EXOSC10: variants seen among roughly 807,000 people sequenced by gnomAD.
The protein encoded by EXOSC10 is exosome complex component 10.
A neutral mutation model predicts 126.6 loss-of-function variants in EXOSC10; 94 were observed. That is an observed-to-expected ratio of 0.74 (90% CI 0.63 to 0.88). The LOEUF is 0.88. EXOSC10 is among the 40% of genes least tolerant of loss of function. The pLI, the probability that EXOSC10 is intolerant of heterozygous loss-of-function variation, is 0.00. For synonymous variants in EXOSC10, 395 were observed against 400.8 expected (o/e 0.99, Z 0.17); for missense variants, 1,041 against 1,100.5 (o/e 0.95, Z 0.77).
At chr1:11,099,271 G>T (rs1641289351) in intron 1 of EXOSC10, among the ~76,000 whole-genome samples, 1 of 152,228 alleles carries the variant, frequency 6.6e-6, no homozygotes, top group Non-Finnish European at 1.5e-5. Flanking sequence ...ATTTAACTCA[G>T]GGTTAAAAAT....
chr1:11,086,462 G>A (rs918585313), intron 9 of EXOSC10, among the ~76,000 whole-genome samples: 25 of 152,232 alleles, frequency 1.6e-4, no homozygotes, highest in Admixed American at 6.5e-5. Flanking sequence ...GGGATCAGTG[G>A]TGATATCCCC....
intron 6 of EXOSC10, 131 bp from the exon 7 acceptor site, chr1:11,088,329 G>A (rs761467611): frequency 1.4e-5 from 8 of 591,854 alleles, no homozygotes; most frequent in Non-Finnish European, 2.0e-5. Context: ...CCTTTACAAA[G>A]AGCTTATTTC....
Position 11,068,061 on chromosome 1 carries a change from A to C in EXOSC10, c.2574T>G (p.Ile858Met). 2 of 1,614,068 alleles carry C rather than the reference A, an allele frequency of 1.2e-6. No individual in the cohort carries two copies. Among genetic ancestry groups the C allele is most frequent in the Non-Finnish European group, 1.7e-6 (2 of 1,179,994 alleles). ...SGKKCIAAKK[I>M]KQSVGNKSMS... Reference sequence around the variant, plus strand: ...TGCTTTTGTTTCCCACCGACTGTTTAATTTTTTTGGCTGCAATGCATTTCT... The same window carrying C: ...TGCTTTTGTTTCCCACCGACTGTTTCATTTTTTTGGCTGCAATGCATTTCT... Residue 858 changes from isoleucine (I) to methionine (M), a missense_variant, in exon 24 of 25, where the codon ATT becomes ATG. By Grantham distance (10) the Ile-to-Met change is conservative. Around this residue, in one of 3 missense-constraint regions of EXOSC10, gnomAD observed 388 missense variants for 415.2 expected, o/e 0.93. Coordinates refer to ENST00000376936, the MANE Select transcript of EXOSC10 (RefSeq NM_001001998.3).
At chr1:11,095,476 G>T in intron 3 of EXOSC10, 1 of 255,292 alleles carries the variant, frequency 3.9e-6, no homozygotes. Flanking sequence ...CATTCTGGGA[G>T]GCTGAGGCGG....
chr1:11,081,097 C>A lies in EXOSC10; in HGVS notation c.1422G>T (p.Arg474Ser). The change falls in exon 11 of 25, where the codon AGG (arginine) becomes AGT (serine). Residue 474 changes from arginine (R) to serine (S), a missense_variant. By Grantham distance (110) the Arg-to-Ser change is moderately radical. Around this residue, in one of 3 missense-constraint regions of EXOSC10, gnomAD observed 645 missense variants for 656.3 expected, o/e 0.98. Coordinates refer to ENST00000376936, the MANE Select transcript of EXOSC10 (RefSeq NM_001001998.3). Reference sequence around the variant, plus strand: ...TGAGGTGTACCTTGAGGCAGATGTCCCTGCTCCGTTGCCACACCACCTGCA... The same window carrying A: ...TGAGGTGTACCTTGAGGCAGATGTCACTGCTCCGTTGCCACACCACCTGCA... Reference protein sequence around the residue: ...VQLQVVWQRSRDICLKKFIKP... With the variant: ...VQLQVVWQRSSDICLKKFIKP... 1 of 1,614,184 alleles carries A rather than the reference C, an allele frequency of 6.2e-7. No homozygotes were observed. The highest frequency in any genetic ancestry group is 8.5e-7 in the Non-Finnish European group (1 of 1,180,030).
rs1300371800 is a variant in EXOSC10 at position 11,077,632 on chromosome 1, A to C, written c.1769T>G (p.Val590Gly). 6.2e-7 allele frequency: 1 copy of C among 1,610,064 alleles called. No homozygotes were observed. Among genetic ancestry groups the C allele is most frequent in the Non-Finnish European group, 8.5e-7 (1 of 1,176,932 alleles). ...PLLKSEVAAGVKKSGPLPSAE... is the reference protein window; with the variant it reads ...PLLKSEVAAGGKKSGPLPSAE... ...ACTGGGCAGCGGTCCGCTCTTCTTC[A>C]CTCCGGCTGCAACTTCAGACTAAGG... is the stretch of plus-strand genomic sequence containing the variant. The change falls in exon 15 of 25, where the codon GTG (valine) becomes GGG (glycine). Residue 590 changes from valine to glycine, a missense_variant. Around this residue, in one of 3 missense-constraint regions of EXOSC10, gnomAD observed 388 missense variants for 415.2 expected, o/e 0.93. Coordinates refer to ENST00000376936, the MANE Select transcript of EXOSC10 (RefSeq NM_001001998.3).
At position 11,081,203 on chromosome 1, in the gene EXOSC10, TC is replaced by T; in HGVS notation, c.1315del (p.Asp439MetfsTer13). The T allele has an allele frequency of 6.2e-7, 1 of 1,614,170 alleles. No homozygotes were observed. Among genetic ancestry groups the T allele is most frequent in the Non-Finnish European group, 8.5e-7 (1 of 1,180,024 alleles). ...LPEEMLSYAR[D>X]DTHYLLYIYD... ...GATATATAGCAGGTAATGGGTGTCA[TC>T]CCGGGCGTAGCTGAGCATCTCCTCG... On this transcript the variant is annotated frameshift_variant, in exon 11 of 25. Coordinates refer to ENST00000376936, the MANE Select transcript of EXOSC10 (RefSeq NM_001001998.3). LOFTEE classifies it high-confidence loss of function.
chr1:11,079,703 C>G lies in EXOSC10; in HGVS notation c.1749+8G>C, dbSNP rs529122274. On this transcript the variant is annotated splice_region_variant and intron_variant, in intron 14 of 24. Coordinates refer to ENST00000376936, the MANE Select transcript of EXOSC10 (RefSeq NM_001001998.3). ...GCCACTGTGCCCAGCCGCAGAAAAG[C>G]TTCTTACCTTGAGCAGGGGCATCTC... 3 of 1,610,916 alleles carry G rather than the reference C, an allele frequency of 1.9e-6. No individual in the cohort carries two copies. Among genetic ancestry groups the G allele is most frequent in the South Asian group, 1.1e-5 (1 of 90,538 alleles).
In EXOSC10 at chr1:11,088,654, C is replaced by T. The variant is rs115686106; in HGVS notation, c.759-456G>A. 1.7e-3 allele frequency among the ~76,000 whole-genome samples: 262 copies of T among 152,186 alleles called. 1 individual carries two copies. Among genetic ancestry groups the T allele is most frequent in the African/African-American group, 6.2e-3 (258 of 41,450 alleles). The stretch of plus-strand genomic sequence containing the variant: ...AATCCTCAACTTGTGGTGTGTTCCT[C>T]GAGGATCACGGTAGCCCAGGAGGGC... On this transcript the variant is annotated intron_variant, in intron 6 of 24. Transcript: ENST00000376936.
Position 11,099,854 on chromosome 1 carries a change from C to T in EXOSC10, c.-23G>A, listed in dbSNP as rs770649941. 2 of 1,578,152 alleles carry T rather than the reference C, an allele frequency of 1.3e-6. No individual in the cohort carries two copies. The highest frequency in any genetic ancestry group is 1.7e-6 in the Non-Finnish European group (2 of 1,161,540). ...CATTTTTTCAGCCTGCACGGCTCGT[C>T]TCGCGAGAGCTTGTCGGCCGAGGAG... On this transcript the variant is annotated 5_prime_UTR_variant, in exon 1 of 25. Coordinates refer to ENST00000376936, the MANE Select transcript of EXOSC10 (RefSeq NM_001001998.3).
At chr1:11,071,785 T>C in intron 20 of EXOSC10, 1 of 268,608 alleles carries the variant, frequency 3.7e-6, no homozygotes. Context: ...CTGGGCTCGC[T>C]GTGCTGTGGC....
intron 5 of EXOSC10, 143 bp downstream of exon 5, chr1:11,090,871 C>T (rs1640764526): frequency 2.0e-6 from 2 of 1,002,264 alleles, no homozygotes; most frequent in South Asian, 3.2e-5. Flanking sequence ...CCCACTTCAG[C>T]CTCTGGAATA....
intron 22 of EXOSC10, 168 bp from the exon 23 acceptor site, chr1:11,068,874 C>T (rs1570781392): frequency 9.6e-6 from 6 of 626,278 alleles, no homozygotes; most frequent in Middle Eastern, 3.2e-4. Context: ...GAATACATAG[C>T]GATCCTGGTC....
intron 2 of EXOSC10, among the ~76,000 whole-genome samples, chr1:11,096,243 C>T (rs374766231): frequency 1.6e-3 from 236 of 152,212 alleles, no homozygotes; most frequent in Non-Finnish European, 3.1e-3. Context: ...CTCCGACTCC[C>T]GGATTCAAGC....
chr1:11,077,822 C>T (rs984827709), intron 14 of EXOSC10, among the ~76,000 whole-genome samples, 171 bp from the exon 15 acceptor site: 26 of 152,058 alleles, frequency 1.7e-4, no homozygotes, highest in Non-Finnish European at 2.9e-4. Flanking sequence ...ATTTGGTGCT[C>T]AATAATTATT....
chr1:11,091,251 G>A, intron 4 of EXOSC10, 72 bp from the exon 5 acceptor site: 1 of 1,409,182 alleles, frequency 7.1e-7, no homozygotes, highest in Non-Finnish European at 9.8e-7. Flanking sequence ...TCCAATTTAT[G>A]ACTTCTGAGG....
At chr1:11,091,443 C>A in intron 4 of EXOSC10, 50 bp downstream of exon 4, 1 of 1,487,418 alleles carries the variant, frequency 6.7e-7, no homozygotes. Context: ...AGCAAAATCT[C>A]TGTTATGAAG....
chr1:11,081,450 G>A (rs1162646115), intron 10 of EXOSC10, among the ~76,000 whole-genome samples: 1 of 152,228 alleles, frequency 6.6e-6, no homozygotes, highest in African/African-American at 2.4e-5. Flanking sequence ...GTAATGCGGT[G>A]GTTAAAATAA....
chr1:11,084,642 G>T (rs886763010), intron 9 of EXOSC10, among the ~76,000 whole-genome samples: 19 of 152,174 alleles, frequency 1.2e-4, no homozygotes, highest in African/African-American at 4.6e-4. Context: ...GATCCCATTG[G>T]TCAATTCTGG....
Sources: gnomAD v4.1 joint callset for allele counts (sites outside exome capture counted in the v4.1 genomes callset) on GRCh38, gnomAD v4.1.1 for gene constraint, gnomAD v4.1.1 regional missense constraint, MANE v1.5 for transcripts, NCBI Gene and HGNC (gene_info 2026-07-23, HGNC 2026-07-21) for gene names.